LAMP2: variants seen among roughly 807,000 people sequenced by gnomAD.
LAMP2 encodes the protein lysosome-associated membrane glycoprotein 2.
A neutral mutation model predicts 25.6 loss-of-function variants in LAMP2; 4 were observed. The ratio of observed to expected loss-of-function variants is 0.16; its 90% CI spans 0.08 to 0.36. The LOEUF (loss-of-function observed/expected upper bound fraction) is 0.36, where lower values mean the gene tolerates loss of function less well. LAMP2 is among the 10% of genes least tolerant of loss of function. The probability of loss-of-function intolerance (pLI) is 1.00; values close to 1 mark genes in which losing one functional copy is unlikely to be tolerated. For missense variants in LAMP2, 272 were observed against 301.4 expected (o/e 0.90, Z 0.72); for synonymous variants, 108 against 112.7 (o/e 0.96, Z 0.27).
intron 1 of LAMP2, among the ~76,000 whole-genome samples, chrX:120,465,483 T>C (rs146588923): frequency 7.6e-4 from 85 of 112,289 alleles, no homozygotes; most frequent in African/African-American, 2.6e-3. Flanking sequence ...CTAAATCATA[T>C]AGCTTCTCTT....
At position 120,446,389 on chromosome X, in the gene LAMP2, G is replaced by C; in HGVS notation, c.780C>G (p.His260Gln). The change falls in exon 6 of 9, where the codon CAC becomes CAG. Residue 260 changes from histidine to glutamine, a missense_variant. His to Gln is a conservative substitution (Grantham distance 24). Coordinates refer to ENST00000200639, the MANE Select transcript of LAMP2 (RefSeq NM_002294.3). ...SVININPNTTHSTGSCRSHTA... is the reference protein window; with the variant it reads ...SVININPNTTQSTGSCRSHTA... ...TGTGAGAACGGCAGCTGCCTGTGGA[G>C]TGAGTTGTATTGGGGTTGATGTTAA... 3 of 1,207,280 alleles carry C rather than the reference G, an allele frequency of 2.5e-6. No individual in the cohort carries two copies. Among genetic ancestry groups the C allele is most frequent in the Non-Finnish European group, 3.4e-6 (3 of 891,462 alleles).
chrX:120,469,236 A>G lies in LAMP2; in HGVS notation c.-67T>C. The G allele has an allele frequency of 9.1e-7, 1 of 1,102,119 alleles. No homozygotes were observed. Among genetic ancestry groups the G allele is most frequent in the South Asian group, 1.8e-5 (1 of 54,331 alleles). 90.8% of individuals were successfully genotyped at this position (1,102,119 alleles called of 1,213,427 possible). A position where few individuals can be genotyped will look rare whatever the true frequency, so the allele number is the denominator to read the frequency against. ...ACAACAACAGCTGCAACACCAGGGA[A>G]AAGGCTCGCTGGACCTGGGTCAAGA... On this transcript the variant is annotated 5_prime_UTR_variant, in exon 1 of 9. Transcript: ENST00000200639.
In LAMP2 at chrX:120,430,075, C is replaced by G. The variant is rs894734694; in HGVS notation, c.*1248G>C. 1.6e-5 allele frequency: 12 copies of G among 751,903 alleles called. No homozygotes were observed. Among genetic ancestry groups the G allele is most frequent in the African/African-American group, 2.3e-5 (1 of 43,360 alleles). The allele number at this position is 751,903 out of a possible 1,213,427, so 62.0% of individuals were successfully genotyped here. ...CTCTCAAAGACTGACAGCTGGGTAACAAGATACACTGTATTGTTAATCAGG... is the reference window on the plus strand; with the variant it reads ...CTCTCAAAGACTGACAGCTGGGTAAGAAGATACACTGTATTGTTAATCAGG... On this transcript the variant is annotated 3_prime_UTR_variant, in exon 9 of 9. Transcript: ENST00000200639.
Position 120,428,285 on chromosome X carries a change from A to C in LAMP2, c.*3038T>G, listed in dbSNP as rs934442233. 2 of 391,091 alleles carry C rather than the reference A, an allele frequency of 5.1e-6. No homozygotes were observed. Among genetic ancestry groups the C allele is most frequent in the African/African-American group, 6.1e-5 (2 of 32,978 alleles). 32.2% of individuals were successfully genotyped at this position (391,091 alleles called of 1,213,427 possible). On this transcript the variant is annotated 3_prime_UTR_variant, in exon 9 of 9. Coordinates refer to ENST00000200639, the MANE Select transcript of LAMP2 (RefSeq NM_002294.3). ...TTTTTCTTTTAATTATACTTTAACA[A>C]AGGAAGAAAAAAAACAGAAAAAAAT... is the stretch of plus-strand genomic sequence containing the variant.
chrX:120,445,386 A>G (rs2058591572), intron 6 of LAMP2, among the ~76,000 whole-genome samples: 1 of 112,840 alleles, frequency 8.9e-6, no homozygotes, highest in Non-Finnish European at 1.9e-5. Context: ...AATGTGCTTT[A>G]GACTCAAAAT....
At position 120,469,230 on chromosome X, in the gene LAMP2, C is replaced by T; in HGVS notation, c.-61G>A. The T allele has an allele frequency of 8.9e-7, 1 of 1,127,855 alleles. No homozygotes were observed. The highest frequency in any genetic ancestry group is 1.2e-6 in the Non-Finnish European group (1 of 820,386). The allele number at this position is 1,127,855 out of a possible 1,213,427, so 92.9% of individuals were successfully genotyped here. ...GGCGGTACAACAACAGCTGCAACAC[C>T]AGGGAAAAGGCTCGCTGGACCTGGG... On this transcript the variant is annotated 5_prime_UTR_variant, in exon 1 of 9. Transcript: ENST00000200639.
chrX:120,432,977 C>T (rs1441348097), intron 8 of LAMP2, among the ~76,000 whole-genome samples: 1 of 109,511 alleles, frequency 9.1e-6, no homozygotes, highest in Non-Finnish European at 1.9e-5. Context: ...CTATATGAAC[C>T]TAAGTGGTAG....
In LAMP2 at chrX:120,430,245, A is replaced by G; in HGVS notation, c.*1078T>C. 1 of 754,692 alleles carries G rather than the reference A, an allele frequency of 1.3e-6. No homozygotes were observed. Among genetic ancestry groups the G allele is most frequent in the Non-Finnish European group, 1.6e-6 (1 of 639,351 alleles). 62.2% of individuals were successfully genotyped at this position (754,692 alleles called of 1,213,427 possible). A position where few individuals can be genotyped will look rare whatever the true frequency, so the allele number is the denominator to read the frequency against. ...CTCTTATACCATGGAATATGCTTCA[A>G]CAAGGGCTGATTATCTAGCTCATTT... On this transcript the variant is annotated 3_prime_UTR_variant, in exon 9 of 9. Transcript: ENST00000200639.
In LAMP2 at chrX:120,437,448, G is replaced by A. The variant is rs371130964; in HGVS notation, c.1093+4282C>T. On this transcript the variant is annotated intron_variant, in intron 8 of 8. Coordinates refer to ENST00000200639, the MANE Select transcript of LAMP2 (RefSeq NM_002294.3). ...AAAACACGAAAAAACAACCCCACAG[G>A]AACCTTCCATATATGGCTGCATATT... The A allele has an allele frequency of 2.0e-5, 15 of 747,104 alleles. No individual in the cohort carries two copies. In the East Asian group the frequency reaches 2.2e-3, roughly 107 times the overall value. The allele number at this position is 747,104 out of a possible 1,213,427, so 61.6% of individuals were successfully genotyped here. A position where few individuals can be genotyped will look rare whatever the true frequency, so the allele number is the denominator to read the frequency against.
intron 1 of LAMP2, among the ~76,000 whole-genome samples, chrX:120,466,136 G>T (rs1055256188): frequency 8.9e-6 from 1 of 112,158 alleles, no homozygotes; most frequent in African/African-American, 3.2e-5. Context: ...AATCTAGTTA[G>T]TCCTGATCAA....
intron 3 of LAMP2, among the ~76,000 whole-genome samples, chrX:120,454,967 A>C (rs1262141586): frequency 2.9e-5 from 3 of 101,938 alleles, no homozygotes; most frequent in Admixed American, 1.1e-4. Flanking sequence ...ACACACTAGG[A>C]TATATATATA....
intron 3 of LAMP2, among the ~76,000 whole-genome samples, chrX:120,454,952 TACACACACACTAGG>T (rs2058638653): frequency 3.0e-5 from 3 of 100,169 alleles, no homozygotes; most frequent in Admixed American, 1.1e-4. Flanking sequence ...TATATATATA[TACACACACACTAGG>T]ATATATATAT....
At position 120,439,252 on chromosome X, in the gene LAMP2, T is replaced by C. The variant is rs140936359; in HGVS notation, c.1093+2478A>G. The C allele has an allele frequency of 2.5e-4, 302 of 1,208,250 alleles. No individual in the cohort carries two copies. Among genetic ancestry groups the C allele is most frequent in the Non-Finnish European group, 3.0e-4 (272 of 893,803 alleles). On this transcript the variant is annotated intron_variant, in intron 8 of 8. Coordinates refer to ENST00000200639, the MANE Select transcript of LAMP2 (RefSeq NM_002294.3). ...CCTGAAAGACCAGCACCAACTATAA[T>C]TGGGATTAGAATGGTGTCATCATCC...
chrX:120,448,782 A>C (rs2058609123), intron 4 of LAMP2, among the ~76,000 whole-genome samples, 188 bp downstream of exon 4: 1 of 112,465 alleles, frequency 8.9e-6, no homozygotes, highest in African/African-American at 3.2e-5. Context: ...CATGTACATC[A>C]AAAACTTTAA....
At chrX:120,434,378 C>T (rs764521341) in intron 8 of LAMP2, among the ~76,000 whole-genome samples, 5 of 111,910 alleles carry the variant, frequency 4.5e-5, no homozygotes, top group Non-Finnish European at 9.4e-5. Flanking sequence ...CTGTCATTTA[C>T]TTAAAATGCT....
chrX:120,451,380 G>A (rs111430112), intron 3 of LAMP2, among the ~76,000 whole-genome samples: 1 of 111,965 alleles, frequency 8.9e-6, no homozygotes, highest in East Asian at 2.8e-4. Context: ...TCACACTCCT[G>A]AGCTCAAGCG....
intron 1 of LAMP2, among the ~76,000 whole-genome samples, chrX:120,467,406 C>T (rs776354819): frequency 1.8e-5 from 2 of 111,694 alleles, no homozygotes; most frequent in East Asian, 5.6e-4. Flanking sequence ...CCAGTTGTTA[C>T]AACCAAAAAT....
rs779444263 is a variant in LAMP2 at position 120,444,562 on chromosome X, C to T, written c.864+1743G>A. 3.9e-4 allele frequency among the ~76,000 whole-genome samples: 43 copies of T among 111,098 alleles called. No individual in the cohort carries two copies. In the East Asian group the frequency reaches 6.5e-3, roughly 17 times the overall value. Reference sequence around the variant, plus strand: ...TAAACCTTCCTGACTCTCCTCCAGCCGGAATTAACCTCTCCCTCCTCCATT... The same window carrying T: ...TAAACCTTCCTGACTCTCCTCCAGCTGGAATTAACCTCTCCCTCCTCCATT... On this transcript the variant is annotated intron_variant, in intron 6 of 8. Transcript: ENST00000200639.
At chrX:120,462,295 C>A (rs1308049893) in intron 1 of LAMP2, among the ~76,000 whole-genome samples, 3 of 110,310 alleles carry the variant, frequency 2.7e-5, no homozygotes, top group African/African-American at 9.9e-5. Context: ...CCAAGGGGGG[C>A]AGATCACTTG....
Sources: gnomAD v4.1 joint callset for allele counts (sites outside exome capture counted in the v4.1 genomes callset) on GRCh38, gnomAD v4.1.1 for gene constraint, MANE v1.5 for transcripts, NCBI Gene and HGNC (gene_info 2026-07-23, HGNC 2026-07-21) for gene names.